LRRC4C: variants seen among roughly 807,000 people sequenced by gnomAD.
LRRC4C encodes the protein leucine-rich repeat-containing protein 4C.
In LRRC4C, 5 loss-of-function variants were observed where a neutral mutation model predicts 33.6. That is an observed-to-expected ratio of 0.15 (90% CI 0.08 to 0.31). The LOEUF is 0.31. Among genes scored for constraint, LRRC4C ranks in the 10% least tolerant of loss-of-function variants. The probability of loss-of-function intolerance (pLI) is 1.00; values close to 1 mark genes in which losing one functional copy is unlikely to be tolerated. For missense variants in LRRC4C, 560 were observed against 796.7 expected (o/e 0.70, Z 3.58); for synonymous variants, 329 against 302.0 (o/e 1.09, Z -0.93).
At chr11:41,392,480 TGGTACTTACCGAATTTA>T (rs1953638708) in intron 1 of LRRC4C, among the ~76,000 whole-genome samples, 1 of 151,670 alleles carries the variant, frequency 6.6e-6, no homozygotes, top group African/African-American at 2.4e-5. Flanking sequence ...AAGCCTTCTT[TGGTACTTACCGAATTTA>T]GGATTTGTAC....
intron 1 of LRRC4C, among the ~76,000 whole-genome samples, chr11:40,988,713 CTTTT>C (rs869034558): frequency 2.1e-4 from 12 of 57,748 alleles, no homozygotes; most frequent in African/African-American, 3.6e-4. Context: ...CTTTTCTTTT[CTTTT>C]TTTTTTTTTT....
intron 3 of LRRC4C, among the ~76,000 whole-genome samples, chr11:40,410,337 A>G (rs932879952): frequency 6.6e-6 from 1 of 152,150 alleles, no homozygotes; most frequent in African/African-American, 2.4e-5. Flanking sequence ...AAAATTATAC[A>G]TAAAATATTT....
At chr11:41,274,081 C>T (rs1949403147) in intron 1 of LRRC4C, among the ~76,000 whole-genome samples, 1 of 151,894 alleles carries the variant, frequency 6.6e-6, no homozygotes, top group Non-Finnish European at 1.5e-5. Flanking sequence ...GACATGGAGG[C>T]ATGCATGGCA....
chr11:41,010,241 T>C (rs1855074555), intron 1 of LRRC4C, among the ~76,000 whole-genome samples: 1 of 152,186 alleles, frequency 6.6e-6, no homozygotes, highest in Non-Finnish European at 1.5e-5. Flanking sequence ...TCTAGGAAAT[T>C]AACACAATTC....
intron 1 of LRRC4C, among the ~76,000 whole-genome samples, chr11:41,402,379 T>C (rs1954058437): frequency 1.3e-5 from 2 of 152,036 alleles, no homozygotes; most frequent in Admixed American, 6.6e-5. Flanking sequence ...TAAAGGTTTC[T>C]ACTGGTATGG....
intron 1 of LRRC4C, among the ~76,000 whole-genome samples, chr11:41,009,299 C>A (rs564248650): frequency 6.6e-6 from 1 of 151,072 alleles, no homozygotes; most frequent in Non-Finnish European, 1.5e-5. Flanking sequence ...GTAAATTTTT[C>A]GAGTATCATT....
At chr11:40,255,575 G>A (rs894334486) in intron 4 of LRRC4C, among the ~76,000 whole-genome samples, 8 of 152,166 alleles carry the variant, frequency 5.3e-5, no homozygotes, top group African/African-American at 1.9e-4. Flanking sequence ...AACCCAAATA[G>A]AGTTGATGCA....
At chr11:41,163,419 A>C (rs1590803677) in intron 1 of LRRC4C, among the ~76,000 whole-genome samples, 1 of 146,278 alleles carries the variant, frequency 6.8e-6, no homozygotes, top group Non-Finnish European at 1.5e-5. Context: ...GAGTAGCTGG[A>C]ATTACAGGTG....
intron 1 of LRRC4C, among the ~76,000 whole-genome samples, chr11:40,958,084 C>T (rs1354333861): frequency 4.6e-5 from 7 of 151,600 alleles, no homozygotes; most frequent in South Asian, 2.1e-4. Flanking sequence ...AGTGAGAAGA[C>T]AGCCAGCTAT....
At chr11:40,119,769 A>C (rs1855693506) in intron 6 of LRRC4C, among the ~76,000 whole-genome samples, 1 of 152,130 alleles carries the variant, frequency 6.6e-6, no homozygotes, top group Admixed American at 6.5e-5. Flanking sequence ...GAAATAGTCA[A>C]GGACTTGCCT....
chr11:40,768,058 C>T (rs559573383), intron 2 of LRRC4C, among the ~76,000 whole-genome samples: 1 of 151,758 alleles, frequency 6.6e-6, no homozygotes, highest in South Asian at 2.1e-4. Flanking sequence ...GAAAGATAAA[C>T]AGAATTGACA....
At chr11:41,068,533 G>A (rs1938435280) in intron 1 of LRRC4C, among the ~76,000 whole-genome samples, 1 of 151,918 alleles carries the variant, frequency 6.6e-6, no homozygotes, top group Non-Finnish European at 1.5e-5. Flanking sequence ...TGATAAACAG[G>A]ATATCACCAC....
At chr11:41,133,042 T>C (rs1231063367) in intron 1 of LRRC4C, among the ~76,000 whole-genome samples, 4 of 152,290 alleles carry the variant, frequency 2.6e-5, no homozygotes, top group South Asian at 2.1e-4. Context: ...TCTTTTTCCC[T>C]TTAGGTAGCG....
At chr11:41,273,443 C>T (rs1250474425) in intron 1 of LRRC4C, among the ~76,000 whole-genome samples, 1 of 152,112 alleles carries the variant, frequency 6.6e-6, no homozygotes, top group African/African-American at 2.4e-5. Context: ...CCATTTGCAT[C>T]AACATGGAAG....
chr11:41,373,219 A>G (rs1429058002), intron 1 of LRRC4C, among the ~76,000 whole-genome samples: 1 of 152,064 alleles, frequency 6.6e-6, no homozygotes, highest in Non-Finnish European at 1.5e-5. Context: ...CCTTTTTTTC[A>G]GCATTTTAAT....
intron 1 of LRRC4C, among the ~76,000 whole-genome samples, chr11:41,215,672 A>G (rs1446315148): frequency 6.6e-6 from 1 of 152,076 alleles, no homozygotes; most frequent in Admixed American, 6.5e-5. Flanking sequence ...ACTGAGTATA[A>G]TATTTTTACA....
At position 40,472,173 on chromosome 11, in the gene LRRC4C, G is replaced by A. The variant is rs1414510969; in HGVS notation, c.-269-152452C>T. On this transcript the variant is annotated intron_variant, in intron 3 of 6. Coordinates refer to ENST00000528697, the MANE Select transcript of LRRC4C (RefSeq NM_001258419.2). ...CGCATGCCTGTAGTCCCAGCTACTT[G>A]GGAGGCTGAGGCAGGAGACTGGCGT... 2.0e-5 allele frequency among the ~76,000 whole-genome samples: 3 copies of A among 152,090 alleles called. No homozygotes were observed. The East Asian group carries it at 5.9e-4, about 30-fold the overall frequency.
intron 1 of LRRC4C, among the ~76,000 whole-genome samples, chr11:41,000,753 G>A (rs1225242629): frequency 6.6e-6 from 1 of 152,154 alleles, no homozygotes; most frequent in African/African-American, 2.4e-5. Context: ...ATTTGAGATT[G>A]TAATGAATGG....
chr11:41,075,014 C>CTTTTTTTTTTTTATT (rs1555064765), intron 1 of LRRC4C, among the ~76,000 whole-genome samples: 7 of 101,124 alleles, frequency 6.9e-5, no homozygotes, highest in Non-Finnish European at 1.4e-4. Context: ...CTTCAATTTT[C>CTTTTTTTTTTTTATT]TTTTTTTTTT....
Sources: gnomAD v4.1 joint callset for allele counts (sites outside exome capture counted in the v4.1 genomes callset) on GRCh38, gnomAD v4.1.1 for gene constraint, MANE v1.5 for transcripts, NCBI Gene and HGNC (gene_info 2026-07-23, HGNC 2026-07-21) for gene names.